Variants in GUCY1B1 observed in about 807,000 individuals in gnomAD.
GUCY1B1 encodes the protein guanylate cyclase soluble subunit beta-1.
A neutral mutation model predicts 71.0 loss-of-function variants in GUCY1B1; 43 were observed. The observed-to-expected ratio is 0.61, with a 90% CI of 0.47 to 0.78. The LOEUF is 0.78. Among genes scored for constraint, GUCY1B1 ranks in the 30% least tolerant of loss-of-function variants. The probability of loss-of-function intolerance (pLI) is 0.00; values close to 1 mark genes in which losing one functional copy is unlikely to be tolerated. For missense variants in GUCY1B1, 535 were observed against 754.1 expected (o/e 0.71, Z 3.40); for synonymous variants, 266 against 259.7 (o/e 1.02, Z -0.23).
At chr4:155,797,872 A>T (rs891413815) in intron 8 of GUCY1B1, among the ~76,000 whole-genome samples, 1 of 151,880 alleles carries the variant, frequency 6.6e-6, no homozygotes, top group Non-Finnish European at 1.5e-5. Context: ...TTCCCTGAGA[A>T]ATAAATATCA....
chr4:155,785,471 A>G, intron 4 of GUCY1B1: 2 of 529,106 alleles, frequency 3.8e-6, no homozygotes, highest in Non-Finnish European at 6.6e-6. Flanking sequence ...CAGTTTTGAT[A>G]TGAAACTCTT....
At chr4:155,763,438 TAC>T (rs1737133581) in intron 2 of GUCY1B1, among the ~76,000 whole-genome samples, 1 of 152,190 alleles carries the variant, frequency 6.6e-6, no homozygotes, top group Non-Finnish European at 1.5e-5. Context: ...GTAAAGAAAG[TAC>T]ACTGTCCTGA....
chr4:155,794,145 T>G, intron 6 of GUCY1B1, 59 bp downstream of exon 6: 2 of 881,190 alleles, frequency 2.3e-6, no homozygotes, highest in South Asian at 3.0e-5. Flanking sequence ...AATACTATTG[T>G]TACAGGCAGC....
chr4:155,775,692 G>A (rs953824360), intron 3 of GUCY1B1, among the ~76,000 whole-genome samples: 4 of 152,118 alleles, frequency 2.6e-5, no homozygotes, highest in Non-Finnish European at 5.9e-5. Context: ...TCAAGAAAAC[G>A]GTAGTTATTC....
At chr4:155,760,351 A>C (rs1287512386) in intron 2 of GUCY1B1, among the ~76,000 whole-genome samples, 1 of 152,196 alleles carries the variant, frequency 6.6e-6, no homozygotes, top group Non-Finnish European at 1.5e-5. Flanking sequence ...GCAACAGTGA[A>C]TTAAGCGCAT....
chr4:155,795,836 T>C (rs1739515676), intron 7 of GUCY1B1, among the ~76,000 whole-genome samples: 1 of 152,180 alleles, frequency 6.6e-6, no homozygotes. Context: ...AATTGTCTAT[T>C]GTTCTTAGTA....
At chr4:155,789,506 T>C (rs570124318) in intron 4 of GUCY1B1, among the ~76,000 whole-genome samples, 4 of 152,362 alleles carry the variant, frequency 2.6e-5, no homozygotes, top group African/African-American at 9.6e-5. Flanking sequence ...GCTGCAGATA[T>C]TTTTCTTAAT....
intron 4 of GUCY1B1, among the ~76,000 whole-genome samples, chr4:155,782,478 G>C (rs1190189674): frequency 2.6e-5 from 4 of 152,276 alleles, no homozygotes; most frequent in African/African-American, 9.6e-5. Flanking sequence ...TAAGAAAATA[G>C]CTGATAAGGA....
At chr4:155,781,729 CCTCTT>C (rs1461660372) in intron 4 of GUCY1B1, among the ~76,000 whole-genome samples, 4 of 151,902 alleles carry the variant, frequency 2.6e-5, no homozygotes, top group Non-Finnish European at 4.4e-5. Flanking sequence ...TAGAAATACT[CCTCTT>C]CTCTAGGCAT....
At chr4:155,805,531 A>G (rs997347965) in intron 13 of GUCY1B1, among the ~76,000 whole-genome samples, 42 of 152,166 alleles carry the variant, frequency 2.8e-4, no homozygotes, top group African/African-American at 9.9e-4. Flanking sequence ...GTCTGGCTCA[A>G]AGGTAAGTGG....
intron 13 of GUCY1B1, among the ~76,000 whole-genome samples, chr4:155,805,634 T>C (rs1740262262): frequency 6.6e-6 from 1 of 152,178 alleles, no homozygotes; most frequent in Admixed American, 6.6e-5. Flanking sequence ...GGAGGTTTCT[T>C]AACCATGAAG....
At position 155,789,861 on chromosome 4, in the gene GUCY1B1, A is replaced by G; in HGVS notation, c.445A>G (p.Ile149Val). The change falls in exon 5 of 14, where the codon ATC (isoleucine) becomes GTC (valine). Residue 149 changes from isoleucine (I) to valine (V), a missense_variant. Coordinates refer to ENST00000264424, the MANE Select transcript of GUCY1B1 (RefSeq NM_000857.5). ...AGGACTTCAGGATATTGTCATTGGA[A>G]TCATCAAAACAGTGGCACAACAAAT... is the stretch of plus-strand genomic sequence containing the variant. ...REGLQDIVIG[I>V]IKTVAQQIHG... The G allele has an allele frequency of 6.2e-7, 1 of 1,613,362 alleles. No individual in the cohort carries two copies. The highest frequency in any genetic ancestry group is 8.5e-7 in the Non-Finnish European group (1 of 1,179,366).
intron 4 of GUCY1B1, among the ~76,000 whole-genome samples, chr4:155,788,148 T>C (rs1305403440): frequency 6.6e-6 from 1 of 152,232 alleles, no homozygotes; most frequent in Non-Finnish European, 1.5e-5. Flanking sequence ...CAGGTCTTAC[T>C]GGACTATATT....
intron 2 of GUCY1B1, among the ~76,000 whole-genome samples, chr4:155,771,740 A>T (rs1052917045): frequency 6.6e-6 from 1 of 152,210 alleles, no homozygotes; most frequent in Non-Finnish European, 1.5e-5. Flanking sequence ...GTAAGAAGCT[A>T]TAAAGATATT....
chr4:155,772,460 G>A (rs1737758260), intron 2 of GUCY1B1: 1 of 383,266 alleles, frequency 2.6e-6, no homozygotes, highest in Non-Finnish European at 4.8e-6. Flanking sequence ...TGTTGCCCAG[G>A]CTGAAATGCA....
chr4:155,790,385 T>C (rs1391456692), intron 5 of GUCY1B1, among the ~76,000 whole-genome samples: 1 of 152,270 alleles, frequency 6.6e-6, no homozygotes, highest in East Asian at 1.9e-4. Context: ...GTTTTTGTTT[T>C]TGTTTTTAAT....
chr4:155,795,425 C>A lies in GUCY1B1; in HGVS notation c.811C>A (p.His271Asn). ...IDISFHGILS[H>N]INTVFVLRSK... ...TATTAGTTTCCATGGGATCCTTTCT[C>A]ACATCAATACTGTTTTTGTATTGAG... Residue 271 changes from histidine to asparagine, a missense_variant, in exon 7 of 14, where the codon CAC becomes AAC. Physicochemically the swap from His to Asn is moderately conservative, Grantham distance 68. Coordinates refer to ENST00000264424, the MANE Select transcript of GUCY1B1 (RefSeq NM_000857.5). The A allele has an allele frequency of 6.4e-7, 1 of 1,571,432 alleles. No individual in the cohort carries two copies. The highest frequency in any genetic ancestry group is 8.8e-7 in the Non-Finnish European group (1 of 1,141,802).
intron 12 of GUCY1B1, 37 bp from the exon 13 acceptor site, chr4:155,805,066 A>G (rs1166974060): frequency 1.9e-6 from 3 of 1,584,706 alleles, no homozygotes; most frequent in Admixed American, 1.7e-5. Flanking sequence ...AAACTTGTGT[A>G]TACTTCTCTC....
chr4:155,806,463 A>T lies in GUCY1B1; in HGVS notation c.*54A>T. The stretch of plus-strand genomic sequence containing the variant: ...CAGACTAGGTTCCAGTTTTCTCCTA[A>T]CACGTGCCAAGCCCAGGAGCAGTTC... On this transcript the variant is annotated 3_prime_UTR_variant, in exon 14 of 14. Coordinates refer to ENST00000264424, the MANE Select transcript of GUCY1B1 (RefSeq NM_000857.5). 7.9e-7 allele frequency: 1 copy of T among 1,267,502 alleles called. No individual in the cohort carries two copies. Among genetic ancestry groups the T allele is most frequent in the East Asian group, 2.3e-5 (1 of 43,152 alleles). 78.5% of individuals were successfully genotyped at this position (1,267,502 alleles called of 1,614,324 possible).
Sources: allele counts gnomAD v4.1 joint callset (sites outside exome capture counted in the v4.1 genomes callset), GRCh38; gene constraint gnomAD v4.1.1; transcripts MANE v1.5; gene names NCBI Gene and HGNC (gene_info 2026-07-23, HGNC 2026-07-21).